The following RALGAPA1 variants were observed in gnomAD, a reference collection of about 807,000 sequenced individuals.
The protein encoded by RALGAPA1 is Ral GTPase activating protein catalytic subunit alpha 1.
Under a neutral mutation model 269.6 loss-of-function variants are expected in RALGAPA1, and 52 were observed. That is an observed-to-expected ratio of 0.19 (90% confidence interval 0.15 to 0.24). The LOEUF (loss-of-function observed/expected upper bound fraction) is 0.24, where lower values mean the gene tolerates loss of function less well. RALGAPA1 is among the 10% of genes least tolerant of loss of function. The pLI, the probability that RALGAPA1 is intolerant of heterozygous loss-of-function variation, is 1.00. For missense variants in RALGAPA1, 1,917 were observed against 3,013.9 expected (o/e 0.64, Z 8.52); for synonymous variants, 817 against 1,008.3 (o/e 0.81, Z 3.60).
chr14:35,765,277 C>A (rs893127777), intron 4 of RALGAPA1, among the ~76,000 whole-genome samples: 2 of 152,078 alleles, frequency 1.3e-5, no homozygotes, highest in African/African-American at 4.8e-5. Flanking sequence ...CCAACACCAC[C>A]ACCCTCTTGG....
At chr14:35,723,336 C>G in intron 14 of RALGAPA1, 72 bp from the exon 15 acceptor site, 1 of 840,248 alleles carries the variant, frequency 1.2e-6, no homozygotes, top group South Asian at 2.2e-5. Flanking sequence ...ACATTCAATT[C>G]TTAAAAAAAT....
intron 1 of RALGAPA1, among the ~76,000 whole-genome samples, chr14:35,788,024 T>C (rs1047647722): frequency 1.3e-5 from 2 of 152,160 alleles, no homozygotes; most frequent in African/African-American, 4.8e-5. Flanking sequence ...CAGGCTGGAG[T>C]GCAGTGGTGT....
At chr14:35,775,792 CAA>C in intron 1 of RALGAPA1, 47 bp from the exon 2 acceptor site, 2 of 1,434,450 alleles carry the variant, frequency 1.4e-6, no homozygotes, top group Middle Eastern at 3.7e-4. Context: ...TATGTTAAAT[CAA>C]GTTTAGCAAA....
chr14:35,763,780 A>G (rs1299602153), intron 4 of RALGAPA1, among the ~76,000 whole-genome samples: 1 of 130,334 alleles, frequency 7.7e-6, no homozygotes, highest in African/African-American at 3.8e-5. Flanking sequence ...GGGTGTGTAT[A>G]TATATATATA....
intron 17 of RALGAPA1, among the ~76,000 whole-genome samples, chr14:35,697,149 G>T (rs571617477): frequency 6.6e-6 from 1 of 152,004 alleles, no homozygotes; most frequent in Non-Finnish European, 1.5e-5. Context: ...TCCAAGAATC[G>T]CAGAGGCAAA....
At chr14:35,795,834 T>C (rs1176953271) in intron 1 of RALGAPA1, among the ~76,000 whole-genome samples, 1 of 140,502 alleles carries the variant, frequency 7.1e-6, no homozygotes, top group African/African-American at 2.6e-5. Context: ...AAAAAAAAAA[T>C]TAGCTGGGTG....
At chr14:35,626,363 T>C (rs981802816) in intron 34 of RALGAPA1, among the ~76,000 whole-genome samples, 1 of 152,184 alleles carries the variant, frequency 6.6e-6, no homozygotes, top group Non-Finnish European at 1.5e-5. Context: ...CCTCCTACCA[T>C]AAATTGACAG....
rs541659891 is a variant in RALGAPA1, at chr14:35,586,664, T to A, written c.7209+8970A>T. Reference sequence around the variant, plus strand: ...ATTGAGAGTTTTTAGCATGAAGAGCTGTTGAATTTTGTCGAAGGCCTTTTC... The same window carrying A: ...ATTGAGAGTTTTTAGCATGAAGAGCAGTTGAATTTTGTCGAAGGCCTTTTC... On this transcript the variant is annotated intron_variant, in intron 37 of 41. Transcript: ENST00000680220. Among the ~76,000 whole-genome samples the A allele has an allele frequency of 7.9e-5, 12 of 152,374 alleles. No individual in the cohort carries two copies. The South Asian group carries it at 1.2e-3, about 16-fold the overall frequency.
intron 37 of RALGAPA1, among the ~76,000 whole-genome samples, chr14:35,589,290 G>A (rs930772836): frequency 6.6e-6 from 1 of 152,014 alleles, no homozygotes; most frequent in African/African-American, 2.4e-5. Context: ...GCTGGTCAAG[G>A]GACACAAAAT....
chr14:35,714,360 A>G (rs1265702965), intron 16 of RALGAPA1, among the ~76,000 whole-genome samples: 1 of 151,906 alleles, frequency 6.6e-6, no homozygotes, highest in African/African-American at 2.4e-5. Flanking sequence ...TCTTACTGTG[A>G]TTTTCATTTG....
chr14:35,658,992 ATACTT>A, intron 28 of RALGAPA1, 141 bp downstream of exon 28: 1 of 448,520 alleles, frequency 2.2e-6, no homozygotes, highest in Non-Finnish European at 3.9e-6. Flanking sequence ...AAAAGTAAGA[ATACTT>A]AATTATTCAA....
At chr14:35,610,535 G>A (rs534762948) in intron 35 of RALGAPA1, among the ~76,000 whole-genome samples, 14 of 152,164 alleles carry the variant, frequency 9.2e-5, no homozygotes, top group South Asian at 2.1e-4. Flanking sequence ...GCCCTCCTCC[G>A]TCTCCCAAAG....
chr14:35,743,335 A>G (rs1310593291), intron 10 of RALGAPA1, among the ~76,000 whole-genome samples: 5 of 152,196 alleles, frequency 3.3e-5, no homozygotes, highest in Non-Finnish European at 7.3e-5. Context: ...GCACACTGAT[A>G]TAGGAATGTT....
rs1292591234 is a variant in RALGAPA1 at position 35,582,801 on chromosome 14, C to A, written c.7210-10083G>T. Among the ~76,000 whole-genome samples, 3 of 152,150 alleles carry A rather than the reference C, an allele frequency of 2.0e-5. No individual in the cohort carries two copies. The East Asian group carries it at 5.8e-4, about 29-fold the overall frequency. The stretch of plus-strand genomic sequence containing the variant: ...CCTGCCCTCAGTAGAAACTATTTTA[C>A]CAAAGCCTAATCTACCTGGGAGAAG... On this transcript the variant is annotated intron_variant, in intron 37 of 41. Transcript: ENST00000680220.
At position 35,570,720 on chromosome 14, in the gene RALGAPA1, C is replaced by T; in HGVS notation, c.7393G>A (p.Asp2465Asn). 6.2e-7 allele frequency: 1 copy of T among 1,600,608 alleles called. No homozygotes were observed. Among genetic ancestry groups the T allele is most frequent in the Non-Finnish European group, 8.5e-7 (1 of 1,174,786 alleles). ...PEVPFFGPLF[D>N]GAIVNGKVLP... ...ACCTTTCCATTCACAATAGCACCATCAAAAAGGGGACCAAAGAAGGGAACC... is the reference window on the plus strand; with the variant it reads ...ACCTTTCCATTCACAATAGCACCATTAAAAAGGGGACCAAAGAAGGGAACC... Residue 2465 changes from aspartate to asparagine, a missense_variant, in exon 39 of 42, where the codon GAT (aspartate) becomes AAT (asparagine). Coordinates refer to ENST00000680220, the MANE Select transcript of RALGAPA1 (RefSeq NM_001346249.2).
chr14:35,805,687 T>C (rs1419850225), intron 1 of RALGAPA1, among the ~76,000 whole-genome samples: 3 of 149,682 alleles, frequency 2.0e-5, no homozygotes, highest in African/African-American at 4.9e-5. Flanking sequence ...CTTTTTCTTT[T>C]TTTTTTTTTT....
rs182235747 is a variant in RALGAPA1, at chr14:35,738,567, G to A, written c.1533C>T (p.Ala511=). 1 of 1,613,326 alleles carries A rather than the reference G, an allele frequency of 6.2e-7. No individual in the cohort carries two copies. Among genetic ancestry groups the A allele is most frequent in the African/African-American group, 1.3e-5 (1 of 74,884 alleles). The change falls in exon 12 of 42, where the codon GCC becomes GCT. Residue 511 remains alanine, a synonymous_variant. Coordinates refer to ENST00000680220, the MANE Select transcript of RALGAPA1 (RefSeq NM_001346249.2). ...NGSYQGALHN[A]SEEATEQNIR... ...TGTTTTGTTCTGTGGCTTCTTCAGA[G>A]GCGTTATGAAGAGCACCTTGGTAGG...
At position 35,688,449 on chromosome 14, in the gene RALGAPA1, T is replaced by G. The variant is rs1391465802; in HGVS notation, c.3952+10A>C. 6.5e-7 allele frequency: 1 copy of G among 1,536,022 alleles called. No individual in the cohort carries two copies. Among genetic ancestry groups the G allele is most frequent in the Non-Finnish European group, 8.7e-7 (1 of 1,146,898 alleles). ...TCTCCTTTTGCGCTCTGCACACTGT[T>G]AGTGCTCACCTGCAGCTTTCCTTCC... On this transcript the variant is annotated intron_variant, in intron 18 of 41. Coordinates refer to ENST00000680220, the MANE Select transcript of RALGAPA1 (RefSeq NM_001346249.2).
chr14:35,656,050 G>T, intron 28 of RALGAPA1, 135 bp from the exon 29 acceptor site: 1 of 1,448,102 alleles, frequency 6.9e-7, no homozygotes, highest in Non-Finnish European at 9.2e-7. Flanking sequence ...TACATTAACT[G>T]GTAACCAAAG....
Sources: gnomAD v4.1 joint callset for allele counts (sites outside exome capture counted in the v4.1 genomes callset) on GRCh38, gnomAD v4.1.1 for gene constraint, MANE v1.5 for transcripts, NCBI Gene and HGNC (gene_info 2026-07-23, HGNC 2026-07-21) for gene names.